The following ESRRG variants were observed in gnomAD, a reference collection of about 807,000 sequenced individuals.
The protein encoded by ESRRG is estrogen-related receptor gamma.
Under a neutral mutation model 44.0 loss-of-function variants are expected in ESRRG, and 13 were observed. The ratio of observed to expected loss-of-function variants is 0.30; its 90% CI spans 0.19 to 0.47. ESRRG has a LOEUF of 0.47. Among genes scored for constraint, ESRRG ranks in the 20% least tolerant of loss-of-function variants. ESRRG has a pLI of 1.00. For missense variants in ESRRG, 395 were observed against 580.6 expected, an observed-to-expected ratio of 0.68 and a Z score of 3.29; for synonymous variants, 215 against 214.6, an observed-to-expected ratio of 1.00 and a Z score of -0.02.
intron 2 of ESRRG, among the ~76,000 whole-genome samples, chr1:216,911,766 T>C (rs2060326832): frequency 6.6e-6 from 1 of 151,786 alleles, no homozygotes. Context: ...AAACCTAAAG[T>C]CTATTAAAAA....
At chr1:216,539,549 C>T (rs6694260) in intron 5 of ESRRG, among the ~76,000 whole-genome samples, 1 of 151,888 alleles carries the variant, frequency 6.6e-6, no homozygotes, top group Non-Finnish European at 1.5e-5. Flanking sequence ...CAAGCACACT[C>T]CTGCCTCAGG....
At chr1:217,003,640 C>G (rs1053248229) in intron 1 of ESRRG, among the ~76,000 whole-genome samples, 3 of 146,990 alleles carry the variant, frequency 2.0e-5, no homozygotes, top group Non-Finnish European at 4.4e-5. Context: ...TTGAGCTAAC[C>G]AAACTCAAGA....
intron 3 of ESRRG, among the ~76,000 whole-genome samples, chr1:216,595,493 CAATT>C (rs1189725968): frequency 6.6e-6 from 1 of 152,096 alleles, no homozygotes; most frequent in African/African-American, 2.4e-5. Flanking sequence ...TTATTTTAAA[CAATT>C]AAATATCAAA....
chr1:216,655,019 G>T (rs778930336), intron 2 of ESRRG, among the ~76,000 whole-genome samples: 1 of 152,150 alleles, frequency 6.6e-6, no homozygotes, highest in Non-Finnish European at 1.5e-5. Context: ...TCAAAAGGCA[G>T]AAGGGAATCT....
intron 1 of ESRRG, among the ~76,000 whole-genome samples, chr1:217,129,231 T>C (rs1270770530): frequency 2.0e-5 from 3 of 152,166 alleles, no homozygotes; most frequent in Non-Finnish European, 4.4e-5. Flanking sequence ...AATAAGCACA[T>C]GAAAATATAC....
intron 2 of ESRRG, among the ~76,000 whole-genome samples, chr1:216,930,478 C>A (rs2063190330): frequency 6.6e-6 from 1 of 152,166 alleles, no homozygotes; most frequent in Non-Finnish European, 1.5e-5. Flanking sequence ...CTGTGGGCGT[C>A]CTCTCTGCCC....
intron 4 of ESRRG, among the ~76,000 whole-genome samples, chr1:216,567,290 C>A (rs1256455691): frequency 6.6e-6 from 1 of 152,146 alleles, no homozygotes; most frequent in African/African-American, 2.4e-5. Flanking sequence ...AATCTATATT[C>A]CAACTCTTTT....
intron 2 of ESRRG, among the ~76,000 whole-genome samples, chr1:216,818,740 C>G (rs192126574): frequency 6.6e-4 from 100 of 152,226 alleles, no homozygotes; most frequent in African/African-American, 2.3e-3. Flanking sequence ...CAACTATTAG[C>G]TATTCTTCCA....
intron 2 of ESRRG, among the ~76,000 whole-genome samples, chr1:216,852,614 C>T (rs1274883767): frequency 6.6e-6 from 1 of 152,130 alleles, no homozygotes; most frequent in East Asian, 1.9e-4. Flanking sequence ...CAGAGGTAAG[C>T]AAACACTTAT....
At chr1:216,836,724 A>AGAGT (rs1359239486) in intron 2 of ESRRG, among the ~76,000 whole-genome samples, 1 of 152,204 alleles carries the variant, frequency 6.6e-6, no homozygotes, top group East Asian at 1.9e-4. Context: ...TCGTGGCGGC[A>AGAGT]GAGTGAGCCC....
chr1:216,789,649 T>A (rs1424108163), intron 2 of ESRRG, among the ~76,000 whole-genome samples: 2 of 152,146 alleles, frequency 1.3e-5, no homozygotes, highest in Non-Finnish European at 2.9e-5. Flanking sequence ...GAATCTAATA[T>A]TTTCATTTCA....
rs1255022176 is a variant in ESRRG at position 217,011,861 on chromosome 1, C to T, written c.-105-72188G>A. 6.6e-5 allele frequency among the ~76,000 whole-genome samples: 10 copies of T among 152,150 alleles called. 1 individual carries two copies. In the South Asian group the frequency reaches 2.1e-3, roughly 31 times the overall value. Reference sequence around the variant, plus strand: ...TGGATGTCTAGTTTCTTAGTACTTACCTAATTTGAACTACTTATCTCTTTA... The same window carrying T: ...TGGATGTCTAGTTTCTTAGTACTTATCTAATTTGAACTACTTATCTCTTTA... On this transcript the variant is annotated intron_variant, in intron 1 of 7. Coordinates refer to the ESRRG transcript ENST00000359162.
At chr1:217,136,332 G>T (rs1408423213) in intron 1 of ESRRG, among the ~76,000 whole-genome samples, 2 of 152,218 alleles carry the variant, frequency 1.3e-5, no homozygotes, top group Non-Finnish European at 2.9e-5. Context: ...AAGTGCGAAA[G>T]GTGAGTGCGG....
intron 1 of ESRRG, among the ~76,000 whole-genome samples, chr1:216,946,879 T>C (rs2066147957): frequency 6.6e-6 from 1 of 152,060 alleles, no homozygotes; most frequent in African/African-American, 2.4e-5. Context: ...TTTGTATTTT[T>C]AGTAGCAACA....
chr1:217,070,969 T>C (rs1029098554), intron 1 of ESRRG, among the ~76,000 whole-genome samples: 2 of 152,214 alleles, frequency 1.3e-5, no homozygotes, highest in South Asian at 4.1e-4. Context: ...ACCTGTTAAA[T>C]GAGAGCCACC....
At chr1:216,679,787 G>C (rs144595720) in intron 1 of ESRRG, among the ~76,000 whole-genome samples, 130 of 151,348 alleles carry the variant, frequency 8.6e-4, no homozygotes, top group African/African-American at 3.0e-3. Context: ...TCATGGACTT[G>C]CAAAATTTGC....
intron 1 of ESRRG, among the ~76,000 whole-genome samples, chr1:217,020,490 C>T (rs2080117573): frequency 6.6e-6 from 1 of 152,168 alleles, no homozygotes; most frequent in African/African-American, 2.4e-5. Flanking sequence ...GCCTTCCTCT[C>T]CTTCATATCA....
chr1:216,591,698 T>C (rs898644546), intron 3 of ESRRG, among the ~76,000 whole-genome samples: 1 of 152,040 alleles, frequency 6.6e-6, no homozygotes, highest in Non-Finnish European at 1.5e-5. Flanking sequence ...CCAAGAGTTA[T>C]GGGGATGTGT....
At chr1:216,831,962 A>G (rs1203766096) in intron 2 of ESRRG, among the ~76,000 whole-genome samples, 1 of 152,172 alleles carries the variant, frequency 6.6e-6, no homozygotes, top group East Asian at 1.9e-4. Flanking sequence ...TCCTGGGTAG[A>G]TAGCCAAGAG....
Sources: gnomAD v4.1 joint callset for allele counts (sites outside exome capture counted in the v4.1 genomes callset) on GRCh38, gnomAD v4.1.1 for gene constraint, MANE v1.5 for transcripts, NCBI Gene and HGNC (gene_info 2026-07-23, HGNC 2026-07-21) for gene names.